RNF214: variants seen among roughly 807,000 people sequenced by gnomAD.
The protein encoded by RNF214 is ring finger protein 214.
Under a neutral mutation model 75.9 loss-of-function variants are expected in RNF214, and 25 were observed. The observed-to-expected ratio is 0.33, with a 90% CI of 0.24 to 0.46. RNF214 has a LOEUF of 0.46. RNF214 is among the 20% of genes least tolerant of loss of function. The pLI is 1.00. For synonymous variants in RNF214, 314 were observed against 308.8 expected (o/e 1.02, Z -0.18); for missense variants, 725 against 857.5 (o/e 0.85, Z 1.93).
At chr11:117,261,540 A>G (rs2033661669) in intron 6 of RNF214, among the ~76,000 whole-genome samples, 1 of 152,220 alleles carries the variant, frequency 6.6e-6, no homozygotes, top group Non-Finnish European at 1.5e-5. Context: ...AGATCACGCC[A>G]CTGCACTTCA....
chr11:117,239,721 G>C lies in RNF214; in HGVS notation c.619-80G>C, dbSNP rs2033019095. On this transcript the variant is annotated intron_variant, in intron 3 of 14. Coordinates refer to ENST00000300650, the MANE Select transcript of RNF214 (RefSeq NM_207343.4). ...AAGAGTAAAAAGTTAGTTACCTGTG[G>C]CGGAATTCTAGGTGTTAGTGATTCT... The C allele has an allele frequency of 1.0e-4, 81 of 780,906 alleles. No homozygotes were observed. The South Asian group carries it at 1.2e-3, about 11-fold the overall frequency. 48.4% of individuals were successfully genotyped at this position (780,906 alleles called of 1,614,324 possible). A position where few individuals can be genotyped will look rare whatever the true frequency, so the allele number is the denominator to read the frequency against.
chr11:117,278,385 T>G (rs959275549), intron 6 of RNF214, among the ~76,000 whole-genome samples: 2 of 152,222 alleles, frequency 1.3e-5, no homozygotes, highest in Non-Finnish European at 2.9e-5. Context: ...GGGAGATAAT[T>G]TAAGTATTTT....
chr11:117,263,709 G>C (rs1047463881), intron 6 of RNF214: 1 of 159,030 alleles, frequency 6.3e-6, no homozygotes, highest in African/African-American at 2.4e-5. Flanking sequence ...GGACTTCTAG[G>C]GGGTGGCAGA....
Position 117,272,392 on chromosome 11 carries a change from C to T in RNF214, c.960-7516C>T, listed in dbSNP as rs181901396. 3.3e-5 allele frequency among the ~76,000 whole-genome samples: 5 copies of T among 152,144 alleles called. No individual in the cohort carries two copies. The East Asian group carries it at 9.7e-4, about 29-fold the overall frequency. On this transcript the variant is annotated intron_variant, in intron 6 of 14. Transcript: ENST00000300650. Reference sequence around the variant, plus strand: ...ATAAGTGGGAGTTGAACAGTGAGAACACATGGCCACAGAAAGGGGAACAAC... The same window carrying T: ...ATAAGTGGGAGTTGAACAGTGAGAATACATGGCCACAGAAAGGGGAACAAC...
rs1485217392 is a variant in RNF214 at position 117,246,670 on chromosome 11, C to G, written c.820-139C>G. ...AATACTGGCTTTTGGAGCTACTCAT[C>G]AACCACATTCTTTCAATTCAATTTG... On this transcript the variant is annotated intron_variant, in intron 5 of 14. Transcript: ENST00000300650. 6.9e-6 allele frequency: 6 copies of G among 875,518 alleles called. No individual in the cohort carries two copies. The South Asian group carries it at 1.4e-4, about 20-fold the overall frequency. The allele number at this position is 875,518 out of a possible 1,614,324, so 54.2% of individuals were successfully genotyped here.
Position 117,282,033 on chromosome 11 carries a change from C to T in RNF214, c.1475C>T (p.Ala492Val). 1.2e-6 allele frequency: 2 copies of T among 1,614,114 alleles called. No homozygotes were observed. Among genetic ancestry groups the T allele is most frequent in the Non-Finnish European group, 1.7e-6 (2 of 1,180,030 alleles). ...RSLSFPILNP[A>V]LSQPSQPSSP... is the part of the protein sequence containing the mutation. ...TTGTCTTTCCCAATCCTGAACCCTGCCCTTTCCCAGCCCAGCCAGCCTTCC... is the reference window on the plus strand; with the variant it reads ...TTGTCTTTCCCAATCCTGAACCCTGTCCTTTCCCAGCCCAGCCAGCCTTCC... The change falls in exon 11 of 15, where the codon GCC (alanine) becomes GTC (valine). Residue 492 changes from alanine (A) to valine (V), a missense_variant. By Grantham distance (64) the Ala-to-Val change is moderately conservative. Around this residue, in one of 2 missense-constraint regions of RNF214, gnomAD observed 363 missense variants for 513.0 expected, o/e 0.71. Coordinates refer to ENST00000300650, the MANE Select transcript of RNF214 (RefSeq NM_207343.4).
At position 117,274,819 on chromosome 11, in the gene RNF214, G is replaced by A. The variant is rs539465632; in HGVS notation, c.960-5089G>A. Among the ~76,000 whole-genome samples, 18 of 151,974 alleles carry A rather than the reference G, an allele frequency of 1.2e-4. No homozygotes were observed. The South Asian group carries it at 2.7e-3, about 23-fold the overall frequency. ...CCTCCCAAGTAGAACACAGATGGGCGCCATGATGTCTGGCTAATTTTTGTA... is the reference window on the plus strand; with the variant it reads ...CCTCCCAAGTAGAACACAGATGGGCACCATGATGTCTGGCTAATTTTTGTA... On this transcript the variant is annotated intron_variant, in intron 6 of 14. Transcript: ENST00000300650.
chr11:117,241,539 C>A (rs1437079842), intron 4 of RNF214, among the ~76,000 whole-genome samples: 1 of 150,230 alleles, frequency 6.7e-6, no homozygotes, highest in Non-Finnish European at 1.5e-5. Flanking sequence ...GAGATTGCAC[C>A]ACTGCACTCC....
intron 4 of RNF214, among the ~76,000 whole-genome samples, chr11:117,240,796 C>T (rs961300539): frequency 2.0e-5 from 3 of 152,196 alleles, no homozygotes; most frequent in African/African-American, 7.2e-5. Flanking sequence ...AATCCTAGCA[C>T]TTTCAGAGGC....
At chr11:117,246,617 A>G (rs554623889) in intron 5 of RNF214, among the ~76,000 whole-genome samples, 192 bp from the exon 6 acceptor site, 16 of 152,338 alleles carry the variant, frequency 1.1e-4, no homozygotes, top group African/African-American at 3.6e-4. Context: ...TGAAATCTGC[A>G]TTACTATAAC....
intron 6 of RNF214, among the ~76,000 whole-genome samples, chr11:117,262,925 G>A (rs2033701669): frequency 6.6e-6 from 1 of 151,990 alleles, no homozygotes; most frequent in Non-Finnish European, 1.5e-5. Flanking sequence ...TCCCACCTCA[G>A]CCTCGTGAGA....
chr11:117,252,810 T>G (rs1039746265), intron 6 of RNF214, among the ~76,000 whole-genome samples: 1 of 152,156 alleles, frequency 6.6e-6, no homozygotes, highest in Non-Finnish European at 1.5e-5. Flanking sequence ...ATGAGCCGCC[T>G]CACCTGGCCT....
At position 117,235,633 on chromosome 11, in the gene RNF214, A is replaced by G. The variant is rs191838309; in HGVS notation, c.107+1254A>G. ...TGGATTCCCTTACCTCAGCCTCCCA[A>G]GTAGCTAGGATTACAGCCGCCCAGC... On this transcript the variant is annotated intron_variant, in intron 2 of 14. Coordinates refer to ENST00000300650, the MANE Select transcript of RNF214 (RefSeq NM_207343.4). Among the ~76,000 whole-genome samples, 198 of 151,552 alleles carry G rather than the reference A, an allele frequency of 1.3e-3. 1 individual carries two copies. The highest frequency in any genetic ancestry group is 4.6e-3 in the African/African-American group (191 of 41,266).
At chr11:117,259,405 A>T (rs1257378290) in intron 6 of RNF214, among the ~76,000 whole-genome samples, 1 of 152,234 alleles carries the variant, frequency 6.6e-6, no homozygotes, top group Non-Finnish European at 1.5e-5. Flanking sequence ...GACTTCAAAC[A>T]TATTCTTTTA....
chr11:117,273,254 C>G (rs2033947483), intron 6 of RNF214, among the ~76,000 whole-genome samples: 1 of 152,060 alleles, frequency 6.6e-6, no homozygotes. Flanking sequence ...GGATATTCAT[C>G]TTTGATACTA....
chr11:117,254,689 T>G (rs573096224), intron 6 of RNF214, among the ~76,000 whole-genome samples: 1 of 151,962 alleles, frequency 6.6e-6, no homozygotes, highest in Non-Finnish European at 1.5e-5. Flanking sequence ...AGTGGCACGA[T>G]CTCAGCTCAC....
intron 6 of RNF214, among the ~76,000 whole-genome samples, chr11:117,278,131 T>C (rs2034051535): frequency 6.6e-6 from 1 of 151,568 alleles, no homozygotes; most frequent in Non-Finnish European, 1.5e-5. Context: ...GGTGAAACCC[T>C]GTCTCTACTA....
chr11:117,273,765 G>A (rs374932298), intron 6 of RNF214, among the ~76,000 whole-genome samples: 5 of 152,134 alleles, frequency 3.3e-5, no homozygotes, highest in South Asian at 2.1e-4. Context: ...AATTGAGGTC[G>A]TTGATTGGTT....
chr11:117,283,128 G>A lies in RNF214; in HGVS notation c.1964G>A (p.Cys655Tyr), dbSNP rs754419557. 3 of 1,613,952 alleles carry A rather than the reference G, an allele frequency of 1.9e-6. No individual in the cohort carries two copies. Among genetic ancestry groups the A allele is most frequent in the Non-Finnish European group, 1.7e-6 (2 of 1,179,824 alleles). Reference protein sequence around the residue: ...PGRSSHAPATCKLCLMCQKLV... With the variant: ...PGRSSHAPATYKLCLMCQKLV... ...TCTGTTCTACAGGCTCCAGCCACCT[G>A]TAAGCTATGTCTAATGTGCCAGAAA... is the stretch of plus-strand genomic sequence containing the variant. Residue 655 changes from cysteine (C) to tyrosine (Y), a missense_variant, in exon 14 of 15, where the codon TGT (cysteine) becomes TAT (tyrosine). Transcript: ENST00000300650.
Sources: gnomAD v4.1 joint callset for allele counts (sites outside exome capture counted in the v4.1 genomes callset) on GRCh38, gnomAD v4.1.1 for gene constraint, gnomAD v4.1.1 regional missense constraint, MANE v1.5 for transcripts, NCBI Gene and HGNC (gene_info 2026-07-23, HGNC 2026-07-21) for gene names.